POFUT2: variants seen among roughly 807,000 people sequenced by gnomAD.
The protein encoded by POFUT2 is GDP-fucose protein O-fucosyltransferase 2.
A neutral mutation model predicts 55.0 loss-of-function variants in POFUT2; 30 were observed. The observed-to-expected ratio is 0.55, with a 90% CI of 0.41 to 0.74. The LOEUF (loss-of-function observed/expected upper bound fraction) is 0.74. Among genes scored for constraint, POFUT2 ranks in the 30% least tolerant of loss-of-function variants. The probability of loss-of-function intolerance (pLI) is 0.00; values close to 1 mark genes in which losing one functional copy is unlikely to be tolerated. For synonymous variants in POFUT2, 267 were observed against 231.1 expected (o/e 1.16, Z -1.41); for missense variants, 524 against 562.6 (o/e 0.93, Z 0.69).
Position 45,277,444 on chromosome 21 carries a change from C to T in POFUT2, c.706-302G>A. ...TGCCCCTGGCTGGCACAACTGTGTG[C>T]AGCTCCTTCCCCTCAGTCTCTCCCC... On this transcript the variant is annotated intron_variant, in intron 5 of 8. Coordinates refer to ENST00000349485, the MANE Select transcript of POFUT2 (RefSeq NM_133635.6). The surrounding 1 kb of genome is among the most constrained non-coding windows in gnomAD (Gnocchi z 6.9). The T allele has an allele frequency of 2.5e-6, 1 of 398,988 alleles. No individual in the cohort carries two copies. 24.7% of individuals were successfully genotyped at this position (398,988 alleles called of 1,614,324 possible). A position where few individuals can be genotyped will look rare whatever the true frequency, so the allele number is the denominator to read the frequency against.
chr21:45,284,666 G>C lies in POFUT2; in HGVS notation c.382+1012C>G, dbSNP rs1450116201. Among the ~76,000 whole-genome samples, 1 of 152,240 alleles carries C rather than the reference G, an allele frequency of 6.6e-6. No individual in the cohort carries two copies. Among genetic ancestry groups the C allele is most frequent in the Non-Finnish European group, 1.5e-5 (1 of 68,044 alleles). ...TGTCAGGAAACCCACTGGTACCAAA[G>C]GGAGGTAAGGATAGCATCTCTGGGT... On this transcript the variant is annotated intron_variant, in intron 2 of 8. Transcript: ENST00000349485. This position sits in a 1 kb window ranked among gnomAD's most constrained non-coding sequence, Gnocchi z 5.8.
Position 45,269,973 on chromosome 21 carries a change from A to G in POFUT2, c.878T>C (p.Leu293Pro). ...ACCCCAGATGAAATCTTTTCTTCTC[A>G]GGTGGACTCCCAGGTAGGGGCCCCC... ...ALGGPYLGVH[L>P]RRKDFIWGHR... Residue 293 changes from leucine (L) to proline (P), a missense_variant, in exon 7 of 9, where the codon CTG becomes CCG. Transcript: ENST00000349485. 7.6e-6 allele frequency: 12 copies of G among 1,585,842 alleles called. No homozygotes were observed. Among genetic ancestry groups the G allele is most frequent in the Non-Finnish European group, 1.0e-5 (12 of 1,170,634 alleles).
intron 4 of POFUT2, among the ~76,000 whole-genome samples, chr21:45,280,453 G>A (rs1241374316): frequency 6.6e-6 from 1 of 152,188 alleles, no homozygotes; most frequent in Admixed American, 6.5e-5. Context: ...CTGGGCAGGG[G>A]TCTGCGGGTG....
chr21:45,282,393 T>C lies in POFUT2; in HGVS notation c.594A>G (p.Ser198=). ...GCAGCAGGGGCGCCACGATGGAGGC[T>C]GAGCCCTGGACGGACAGACAGGAGA... The part of the protein sequence containing the change: ...LNVSCLSVQG[S]ASIVAPLLLR... The change falls in exon 4 of 9, where the codon TCA becomes TCG. Residue 198 remains serine (S), a synonymous_variant. Transcript: ENST00000349485. This position sits in a 1 kb window ranked among gnomAD's most constrained non-coding sequence, Gnocchi z 4.6. The C allele has an allele frequency of 1.2e-6, 2 of 1,613,616 alleles. No homozygotes were observed. The highest frequency in any genetic ancestry group is 8.5e-7 in the Non-Finnish European group (1 of 1,179,828).
At chr21:45,268,839 CCGCCCCG>C (rs1408676300) in intron 7 of POFUT2, among the ~76,000 whole-genome samples, 7,106 of 128,946 alleles carry the variant, frequency 0.055, 325 homozygotes, top group East Asian at 0.079. Context: ...GCCCGGCCAG[CCGCCCCG>C]TCCGGGAGGG....
intron 4 of POFUT2, among the ~76,000 whole-genome samples, chr21:45,280,563 G>A (rs528085975): frequency 3.9e-5 from 6 of 152,318 alleles, no homozygotes; most frequent in Non-Finnish European, 7.3e-5. Flanking sequence ...TCCCGACAGC[G>A]GTTGGTTTCC....
intron 8 of POFUT2, chr21:45,266,313 C>T (rs918326093): frequency 1.5e-6 from 2 of 1,364,732 alleles, no homozygotes; most frequent in South Asian, 1.1e-5. Flanking sequence ...GGCCAGCAGG[C>T]CACACAGGCC....
rs979417099 is a variant in POFUT2, at chr21:45,277,252, C to T, written c.706-110G>A. 11 of 1,400,194 alleles carry T rather than the reference C, an allele frequency of 7.9e-6. No homozygotes were observed. The highest frequency in any genetic ancestry group is 1.1e-5 in the Non-Finnish European group (11 of 1,034,498). 86.7% of individuals were successfully genotyped at this position (1,400,194 alleles called of 1,614,324 possible). ...ACCCACCCCCGCAGCTGGAACAAGC[C>T]CCTCAGACACGTCATCCACGGTCGC... On this transcript the variant is annotated intron_variant, in intron 5 of 8. Coordinates refer to ENST00000349485, the MANE Select transcript of POFUT2 (RefSeq NM_133635.6). This position sits in a 1 kb window ranked among gnomAD's most constrained non-coding sequence, Gnocchi z 6.9.
rs567875443 is a variant in POFUT2 at position 45,270,125 on chromosome 21, G to A, written c.832-106C>T. ...GCAGAGGGATGACCCTTTCCATGTGGCCTCCTCCACGGGGTGGCTCCAGGG... is the reference window on the plus strand; with the variant it reads ...GCAGAGGGATGACCCTTTCCATGTGACCTCCTCCACGGGGTGGCTCCAGGG... On this transcript the variant is annotated intron_variant, in intron 6 of 8. Coordinates refer to ENST00000349485, the MANE Select transcript of POFUT2 (RefSeq NM_133635.6). This position sits in a 1 kb window ranked among gnomAD's most constrained non-coding sequence, Gnocchi z 4.6. 3.5e-6 allele frequency: 3 copies of A among 859,638 alleles called. No individual in the cohort carries two copies. The African/African-American group carries it at 5.3e-5, about 15-fold the overall frequency. The allele number at this position is 859,638 out of a possible 1,614,324, so 53.3% of individuals were successfully genotyped here. A position where few individuals can be genotyped will look rare whatever the true frequency, so the allele number is the denominator to read the frequency against.
chr21:45,266,746 A>G (rs1432455845), intron 8 of POFUT2: 1 of 997,734 alleles, frequency 1.0e-6, no homozygotes, highest in Non-Finnish European at 1.2e-6. Context: ...AGATGTGTGA[A>G]GAGGCACCGG....
intron 4 of POFUT2, among the ~76,000 whole-genome samples, chr21:45,279,205 G>T (rs1970056): frequency 0.057 from 8,588 of 151,622 alleles, 754 homozygotes; most frequent in African/African-American, 0.19. Flanking sequence ...TCCTGGCTAA[G>T]ACGGTGAAAC....
Position 45,282,820 on chromosome 21 carries a change from C to A in POFUT2, c.528-361G>T. 2.0e-6 allele frequency: 1 copy of A among 488,782 alleles called. No homozygotes were observed. 30.3% of individuals were successfully genotyped at this position (488,782 alleles called of 1,614,324 possible). On this transcript the variant is annotated intron_variant, in intron 3 of 8. Coordinates refer to ENST00000349485, the MANE Select transcript of POFUT2 (RefSeq NM_133635.6). This position sits in a 1 kb window ranked among gnomAD's most constrained non-coding sequence, Gnocchi z 4.6. ...AGAGCTCACCTGCCATGCTTTAGAG[C>A]CAGCTGCCCTGGCACTGGACACATG... is the stretch of plus-strand genomic sequence containing the variant.
intron 3 of POFUT2, 109 bp downstream of exon 3, chr21:45,283,274 G>A: frequency 2.1e-6 from 1 of 479,786 alleles, no homozygotes; most frequent in Non-Finnish European, 3.7e-6. Context: ...GGCACCCACG[G>A]TGGTGGGGAG....
At chr21:45,283,196 C>T (rs2030910298) in intron 3 of POFUT2, among the ~76,000 whole-genome samples, 187 bp downstream of exon 3, 1 of 137,846 alleles carries the variant, frequency 7.3e-6, no homozygotes, top group Admixed American at 7.2e-5. Context: ...GAGGCGGTTG[C>T]GGCCGGGGGG....
chr21:45,287,027 G>A (rs2031491827), intron 1 of POFUT2, among the ~76,000 whole-genome samples: 1 of 152,140 alleles, frequency 6.6e-6, no homozygotes, highest in Admixed American at 6.5e-5. Context: ...CTCAGCCTGA[G>A]CAACCCGGCC....
intron 1 of POFUT2, among the ~76,000 whole-genome samples, chr21:45,287,255 T>TCCCGC (rs2031538876): frequency 1.2e-5 from 1 of 82,858 alleles, no homozygotes; most frequent in Admixed American, 1.3e-4. Context: ...TGGCCCCGGC[T>TCCCGC]CCCGCCCCGC....
chr21:45,269,180 C>T (rs1408373740), intron 7 of POFUT2, among the ~76,000 whole-genome samples: 4 of 148,912 alleles, frequency 2.7e-5, no homozygotes, highest in Admixed American at 1.3e-4. Flanking sequence ...GTCAGCCCCC[C>T]GCCCGGCCAG....
chr21:45,276,754 G>A (rs950488383), intron 6 of POFUT2, among the ~76,000 whole-genome samples: 2 of 152,112 alleles, frequency 1.3e-5, no homozygotes, highest in African/African-American at 4.8e-5. Flanking sequence ...CTTTGAGTCC[G>A]CTGGGCCTGC....
At chr21:45,283,292 CGGGGGGCGCCTGAGGCG>C in intron 3 of POFUT2, 74 bp downstream of exon 3, 1 of 539,178 alleles carries the variant, frequency 1.9e-6, no homozygotes, top group Non-Finnish European at 2.9e-6. Flanking sequence ...GAGGAGTGGG[CGGGGGGCGCCTGAGGCG>C]GGGGGGGGGG....
Sources: allele counts gnomAD v4.1 joint callset (sites outside exome capture counted in the v4.1 genomes callset), GRCh38; gene constraint gnomAD v4.1.1; non-coding constraint Gnocchi (gnomAD v3.1); transcripts MANE v1.5; gene names NCBI Gene and HGNC (gene_info 2026-07-23, HGNC 2026-07-21).